Variants in CAPN3 observed in about 807,000 individuals in gnomAD.
CAPN3 encodes the protein calpain-3.
Under a neutral mutation model 114.0 loss-of-function variants are expected in CAPN3, and 88 were observed. That is an observed-to-expected ratio of 0.77 (90% CI 0.65 to 0.92). The LOEUF (loss-of-function observed/expected upper bound fraction) is 0.92, where lower values mean the gene tolerates loss of function less well. Ranked by LOEUF, CAPN3 falls within the 40% of genes least tolerant of loss-of-function variation. The pLI, the probability that CAPN3 is intolerant of heterozygous loss-of-function variation, is 0.00. For synonymous variants in CAPN3, 386 were observed against 382.9 expected, an observed-to-expected ratio of 1.01 and a Z score of -0.09; for missense variants, 1,028 against 1,069.0, an observed-to-expected ratio of 0.96 and a Z score of 0.53.
chr15:42,367,338 C>T (rs2052814828), intron 1 of CAPN3, among the ~76,000 whole-genome samples: 1 of 152,128 alleles, frequency 6.6e-6, no homozygotes, highest in Non-Finnish European at 1.5e-5. Context: ...AGGCTCTGCC[C>T]TCTCAGAGGC....
rs774343819 is a variant in CAPN3 at position 42,412,168 on chromosome 15, G to C, written c.*395G>C. 123 of 1,535,980 alleles carry C rather than the reference G, an allele frequency of 8.0e-5. No individual in the cohort carries two copies. The highest frequency in any genetic ancestry group is 1.7e-4 in the Middle Eastern group (1 of 5,998). On this transcript the variant is annotated 3_prime_UTR_variant, in exon 24 of 24. Coordinates refer to ENST00000397163, the MANE Select transcript of CAPN3 (RefSeq NM_000070.3). ...CATCACCTTCACGCTGTCCCACCAT[G>C]GGCCAGGAACCAAACCAGCACTGGG...
Position 42,366,512 on chromosome 15 carries a change from G to A in CAPN3, c.309+6398G>A, listed in dbSNP as rs766437043. On this transcript the variant is annotated intron_variant, in intron 1 of 23. Coordinates refer to ENST00000397163, the MANE Select transcript of CAPN3 (RefSeq NM_000070.3). ...ATTGTCAAGTCTTTAAATTTATTTC[G>A]CCAAATGTGCTCACTTTCTGAACCC... Among the ~76,000 whole-genome samples the A allele has an allele frequency of 4.6e-5, 7 of 152,078 alleles. 1 individual carries two copies. The highest frequency in any genetic ancestry group is 2.0e-4 in the Admixed American group (3 of 15,270).
chr15:42,366,864 C>T (rs1352789105), intron 1 of CAPN3, among the ~76,000 whole-genome samples: 19 of 135,836 alleles, frequency 1.4e-4, no homozygotes, highest in Admixed American at 1.1e-3. Context: ...GACAGGGTCT[C>T]GCTCTGTTGC....
rs866147687 is a variant in CAPN3, at chr15:42,405,949, T to G, written c.1800+6T>G. 5.0e-6 allele frequency: 8 copies of G among 1,611,238 alleles called. No homozygotes were observed. In the Admixed American group the frequency reaches 8.3e-5, roughly 17 times the overall value. On this transcript the variant is annotated splice_donor_region_variant and intron_variant, in intron 15 of 23. Coordinates refer to ENST00000397163, the MANE Select transcript of CAPN3 (RefSeq NM_000070.3). Reference sequence around the variant, plus strand: ...AGAAAAAGAAAAAAACCAAGGTAGGTGTGTGGGTAGAGAGCATGAAGTGTG... The same window carrying G: ...AGAAAAAGAAAAAAACCAAGGTAGGGGTGTGGGTAGAGAGCATGAAGTGTG...
Position 42,385,703 on chromosome 15 carries a change from C to T in CAPN3, c.380-464C>T, listed in dbSNP as rs758686123. The T allele has an allele frequency of 1.3e-5, 7 of 520,550 alleles. No homozygotes were observed. In the East Asian group the frequency reaches 3.3e-4, roughly 24 times the overall value. The allele number at this position is 520,550 out of a possible 1,614,324, so 32.2% of individuals were successfully genotyped here. A position where few individuals can be genotyped will look rare whatever the true frequency, so the allele number is the denominator to read the frequency against. ...GACGGGTTCCAGGGCAGCTGCCTAC[C>T]TGGCCTTCCTTCCAATACAAATCAT... On this transcript the variant is annotated intron_variant, in intron 2 of 23. Transcript: ENST00000397163.
chr15:42,366,798 C>T (rs74538366), intron 1 of CAPN3, among the ~76,000 whole-genome samples: 2,427 of 151,118 alleles, frequency 0.016, 70 homozygotes, highest in African/African-American at 0.057. Context: ...TTCCTCTCCA[C>T]GACCCGACCC....
At chr15:42,398,703 G>A (rs111657448) in intron 9 of CAPN3, among the ~76,000 whole-genome samples, 1,829 of 135,326 alleles carry the variant, frequency 0.014, 23 homozygotes, top group Non-Finnish European at 0.02. Context: ...ATGTGTGTGT[G>A]TATATATACA....
chr15:42,378,767 T>C (rs2053160060), intron 1 of CAPN3, among the ~76,000 whole-genome samples: 1 of 152,186 alleles, frequency 6.6e-6, no homozygotes, highest in South Asian at 2.1e-4. Flanking sequence ...TTCTAACTTA[T>C]GCATTTAATG....
chr15:42,396,390 C>T (rs1339104476), intron 8 of CAPN3, among the ~76,000 whole-genome samples: 1 of 151,964 alleles, frequency 6.6e-6, no homozygotes, highest in Non-Finnish European at 1.5e-5. Context: ...CTATAGGTGC[C>T]CGCCACCACG....
chr15:42,410,835 C>T, intron 21 of CAPN3, 49 bp from the exon 22 acceptor site: 1 of 1,504,214 alleles, frequency 6.6e-7, no homozygotes. Flanking sequence ...AGAAGGCAGG[C>T]CCAAGGCCTC....
intron 1 of CAPN3, among the ~76,000 whole-genome samples, chr15:42,380,333 T>C (rs2053203170): frequency 6.6e-6 from 1 of 151,300 alleles, no homozygotes. Flanking sequence ...TTTTATATTT[T>C]ATCCTATTTT....
At chr15:42,368,486 A>G (rs2052846337) in intron 1 of CAPN3, among the ~76,000 whole-genome samples, 2 of 152,200 alleles carry the variant, frequency 1.3e-5, no homozygotes, top group African/African-American at 2.4e-5. Flanking sequence ...TGAATCATCA[A>G]TCAATAAACA....
intron 6 of CAPN3, among the ~76,000 whole-genome samples, chr15:42,391,226 T>C (rs1043075941): frequency 6.6e-6 from 1 of 152,256 alleles, no homozygotes; most frequent in African/African-American, 2.4e-5. Flanking sequence ...GTTCTTTTTT[T>C]TCTTTGTTTT....
At chr15:42,409,024 AG>A (rs1172454467) in intron 16 of CAPN3, 2 of 436,854 alleles carry the variant, frequency 4.6e-6, no homozygotes, top group Non-Finnish European at 8.1e-6. Flanking sequence ...GGGATGGTGG[AG>A]GGGGCTCTTG....
intron 1 of CAPN3, among the ~76,000 whole-genome samples, chr15:42,371,266 A>T (rs8033108): frequency 0.042 from 6,358 of 152,146 alleles, 406 homozygotes; most frequent in African/African-American, 0.13. Context: ...AACTTTTAGG[A>T]GCAACTTCTA....
At chr15:42,388,378 C>T (rs1477681210) in intron 4 of CAPN3, among the ~76,000 whole-genome samples, 3 of 152,194 alleles carry the variant, frequency 2.0e-5, no homozygotes, top group Admixed American at 2.0e-4. Flanking sequence ...AGTCACGGCT[C>T]ACTGCAGCAT....
chr15:42,370,218 G>A (rs187518813), intron 1 of CAPN3, among the ~76,000 whole-genome samples: 12 of 152,098 alleles, frequency 7.9e-5, no homozygotes, highest in African/African-American at 2.7e-4. Context: ...CATACCAGAC[G>A]GTCTCTTGCT....
intron 16 of CAPN3, chr15:42,408,573 C>CGAT: frequency 2.1e-6 from 1 of 479,496 alleles, no homozygotes; most frequent in South Asian, 1.8e-5. Flanking sequence ...GGAGCTGATC[C>CGAT]AGCCAGGATA....
intron 1 of CAPN3, among the ~76,000 whole-genome samples, chr15:42,382,859 C>T (rs572181006): frequency 6.1e-4 from 93 of 152,226 alleles, no homozygotes; most frequent in African/African-American, 2.2e-3. Context: ...CCCTTTGCTT[C>T]GGTTTGCTTT....
Sources: allele counts gnomAD v4.1 joint callset (sites outside exome capture counted in the v4.1 genomes callset), GRCh38; gene constraint gnomAD v4.1.1; transcripts MANE v1.5; gene names NCBI Gene and HGNC (gene_info 2026-07-23, HGNC 2026-07-21).